Variants in B3GAT2 observed in about 807,000 individuals in gnomAD.
B3GAT2 encodes beta-1,3-glucuronyltransferase 2.
Under a neutral mutation model 27.8 loss-of-function variants are expected in B3GAT2, and 26 were observed. The observed-to-expected ratio is 0.93, with a 90% CI of 0.68 to 1.30. The LOEUF (loss-of-function observed/expected upper bound fraction) is 1.30, where lower values mean the gene tolerates loss of function less well. Among genes scored for constraint, B3GAT2 ranks in the 50% most tolerant of loss-of-function variants. B3GAT2 has a pLI of 0.00. For synonymous variants in B3GAT2, 218 were observed against 195.1 expected, an observed-to-expected ratio of 1.12 and a Z score of -0.98; for missense variants, 458 against 459.0, an observed-to-expected ratio of 1.00 and a Z score of 0.02.
chr6:70,903,590 C>T (rs1268207154), intron 1 of B3GAT2, among the ~76,000 whole-genome samples: 1 of 152,026 alleles, frequency 6.6e-6, no homozygotes, highest in Admixed American at 6.6e-5. Flanking sequence ...CCAATTATCA[C>T]ACAAAAAGAT....
At chr6:70,948,846 A>G (rs1198302345) in intron 1 of B3GAT2, among the ~76,000 whole-genome samples, 1 of 152,162 alleles carries the variant, frequency 6.6e-6, no homozygotes, top group East Asian at 1.9e-4. Flanking sequence ...ACAAGGCTAC[A>G]GTTACCAAAA....
At chr6:70,874,974 A>C (rs997538702) in intron 2 of B3GAT2, among the ~76,000 whole-genome samples, 1 of 151,942 alleles carries the variant, frequency 6.6e-6, no homozygotes, top group African/African-American at 2.4e-5. Context: ...ATATACTACA[A>C]TACTGCTCTT....
chr6:70,909,029 A>G (rs1296273887), intron 1 of B3GAT2, among the ~76,000 whole-genome samples: 1 of 152,238 alleles, frequency 6.6e-6, no homozygotes, highest in Non-Finnish European at 1.5e-5. Flanking sequence ...AAAAAGATTA[A>G]TATTTTACAC....
At chr6:70,901,303 G>T (rs1772494987) in intron 1 of B3GAT2, among the ~76,000 whole-genome samples, 1 of 152,154 alleles carries the variant, frequency 6.6e-6, no homozygotes. Flanking sequence ...GCTATGATGT[G>T]ATGGGAATGA....
In B3GAT2 at chr6:70,861,474, G is replaced by C. The variant is rs879580497; in HGVS notation, c.*189C>G. 5.1e-6 allele frequency: 3 copies of C among 589,584 alleles called. No individual in the cohort carries two copies. The highest frequency in any genetic ancestry group is 9.1e-6 in the Non-Finnish European group (3 of 331,086). 36.5% of individuals were successfully genotyped at this position (589,584 alleles called of 1,614,324 possible). A position where few individuals can be genotyped will look rare whatever the true frequency, so the allele number is the denominator to read the frequency against. On this transcript the variant is annotated 3_prime_UTR_variant, in exon 4 of 4. Transcript: ENST00000230053. ...CAAATGAAGACAAAACATACATTTT[G>C]TACCAACCATCCAATTAGCTTATGT...
chr6:70,931,766 A>G (rs1424260852), intron 1 of B3GAT2, among the ~76,000 whole-genome samples: 2 of 152,210 alleles, frequency 1.3e-5, no homozygotes, highest in Admixed American at 1.3e-4. Context: ...TCTTAGATAT[A>G]TAACACCAAA....
chr6:70,906,029 C>T (rs1405367142), intron 1 of B3GAT2, among the ~76,000 whole-genome samples: 1 of 152,074 alleles, frequency 6.6e-6, no homozygotes, highest in Non-Finnish European at 1.5e-5. Context: ...GCCTTGGCCA[C>T]ACTCAATCTA....
At chr6:70,886,699 C>G (rs1041482106) in intron 2 of B3GAT2, among the ~76,000 whole-genome samples, 19 of 152,246 alleles carry the variant, frequency 1.2e-4, no homozygotes, top group African/African-American at 4.3e-4. Flanking sequence ...TGCTCCTTGC[C>G]CCACACGCCC....
intron 1 of B3GAT2, among the ~76,000 whole-genome samples, chr6:70,900,707 CAGA>C (rs1772484020): frequency 6.6e-6 from 1 of 152,218 alleles, no homozygotes; most frequent in Admixed American, 6.5e-5. Context: ...CTGGAACACT[CAGA>C]AGATCACATT....
At chr6:70,870,213 C>A (rs375369118) in intron 2 of B3GAT2, among the ~76,000 whole-genome samples, 83 of 151,704 alleles carry the variant, frequency 5.5e-4, no homozygotes, top group Admixed American at 3.0e-3. Flanking sequence ...ATGCAGCCAT[C>A]AAAAATGATG....
At chr6:70,921,979 G>A (rs1223033215) in intron 1 of B3GAT2, among the ~76,000 whole-genome samples, 1 of 152,116 alleles carries the variant, frequency 6.6e-6, no homozygotes. Flanking sequence ...TGGGGGCAAG[G>A]TATTCCCAGT....
At chr6:70,895,271 T>A (rs1435047493) in intron 1 of B3GAT2, among the ~76,000 whole-genome samples, 2 of 152,168 alleles carry the variant, frequency 1.3e-5, no homozygotes, top group African/African-American at 4.8e-5. Flanking sequence ...ATCTTTTATT[T>A]GCTATAGAAC....
At chr6:70,887,617 G>T (rs898090361) in intron 2 of B3GAT2, among the ~76,000 whole-genome samples, 2 of 152,184 alleles carry the variant, frequency 1.3e-5, no homozygotes, top group Admixed American at 1.3e-4. Context: ...CATTCTGGGA[G>T]TCGGGGTGGC....
intron 2 of B3GAT2, among the ~76,000 whole-genome samples, chr6:70,884,393 G>C (rs1329359402): frequency 1.3e-5 from 2 of 152,152 alleles, no homozygotes; most frequent in Non-Finnish European, 2.9e-5. Flanking sequence ...CACTAGAAAA[G>C]GAAAACATGT....
intron 1 of B3GAT2, among the ~76,000 whole-genome samples, chr6:70,900,670 G>A (rs948491954): frequency 4.6e-5 from 7 of 152,160 alleles, no homozygotes; most frequent in Non-Finnish European, 1.0e-4. Context: ...CCCTCCTTGG[G>A]AGATGGCTAA....
rs1321935975 is a variant in B3GAT2 at position 70,859,302 on chromosome 6, G to GGAGTT, written c.*2356_*2360dup. The GGAGTT allele has an allele frequency of 1.3e-6, 2 of 1,511,230 alleles. No individual in the cohort carries two copies. The highest frequency in any genetic ancestry group is 5.0e-5 in the East Asian group (2 of 40,214). The allele number at this position is 1,511,230 out of a possible 1,614,324, so 93.6% of individuals were successfully genotyped here. The stretch of plus-strand genomic sequence containing the variant: ...GTTAAGGTGCTAGATGAACCAGGAA[G>GGAGTT]GAGTTAATACTGGCTCTTACTTCCA... On this transcript the variant is annotated 3_prime_UTR_variant, in exon 4 of 4. Transcript: ENST00000230053.
Position 70,860,489 on chromosome 6 carries a change from T to G in B3GAT2, c.*1174A>C. ...ATTGACCGTGTTGGTCTGTACTGATTCAATTTGATGTGGTGAAAAGCAGGT... is the reference window on the plus strand; with the variant it reads ...ATTGACCGTGTTGGTCTGTACTGATGCAATTTGATGTGGTGAAAAGCAGGT... On this transcript the variant is annotated 3_prime_UTR_variant, in exon 4 of 4. Coordinates refer to ENST00000230053, the MANE Select transcript of B3GAT2 (RefSeq NM_080742.3). The G allele has an allele frequency of 4.0e-6, 3 of 752,484 alleles. No individual in the cohort carries two copies. Among genetic ancestry groups the G allele is most frequent in the Non-Finnish European group, 3.8e-6 (2 of 529,178 alleles). 46.6% of individuals were successfully genotyped at this position (752,484 alleles called of 1,614,324 possible). A position where few individuals can be genotyped will look rare whatever the true frequency, so the allele number is the denominator to read the frequency against.
In B3GAT2 at chr6:70,952,942, T is replaced by C. The variant is rs918315992; in HGVS notation, c.591+2897A>G. Among the ~76,000 whole-genome samples, 50 of 152,224 alleles carry C rather than the reference T, an allele frequency of 3.3e-4. 1 individual carries two copies. The highest frequency in any genetic ancestry group is 2.1e-4 in the Non-Finnish European group (14 of 68,040). The stretch of plus-strand genomic sequence containing the variant: ...TTGCCTGTTGCGTCTTTAATTTAAT[T>C]TGGAGACCTTTCATCCTTTGCTTTC... On this transcript the variant is annotated intron_variant, in intron 1 of 3. Transcript: ENST00000230053.
At chr6:70,864,872 G>A (rs1582337146) in intron 2 of B3GAT2, among the ~76,000 whole-genome samples, 1 of 152,170 alleles carries the variant, frequency 6.6e-6, no homozygotes, top group African/African-American at 2.4e-5. Context: ...CTTTAAAGAT[G>A]TTGGTTACTT....
Sources: allele counts gnomAD v4.1 joint callset (sites outside exome capture counted in the v4.1 genomes callset), GRCh38; gene constraint gnomAD v4.1.1; transcripts MANE v1.5; gene names NCBI Gene and HGNC (gene_info 2026-07-23, HGNC 2026-07-21).